CTNND2: variants seen among roughly 807,000 people sequenced by gnomAD.
CTNND2 encodes the protein catenin delta-2.
A neutral mutation model predicts 144.4 loss-of-function variants in CTNND2; 22 were observed. The observed-to-expected ratio is 0.15, with a 90% CI of 0.11 to 0.22. The LOEUF is 0.22. CTNND2 is among the 10% of genes least tolerant of loss of function. The pLI is 1.00. For missense variants in CTNND2, 1,353 were observed against 1,618.8 expected, an observed-to-expected ratio of 0.84 and a Z score of 2.82; for synonymous variants, 751 against 695.6, an observed-to-expected ratio of 1.08 and a Z score of -1.25.
chr5:11,379,506 C>A (rs1203435898), intron 7 of CTNND2, among the ~76,000 whole-genome samples: 1 of 152,032 alleles, frequency 6.6e-6, no homozygotes, highest in East Asian at 1.9e-4. Context: ...TCTGCCTCAT[C>A]AAGTTGCTGG....
At chr5:11,666,195 C>A (rs1481299335) in intron 2 of CTNND2, among the ~76,000 whole-genome samples, 1 of 152,058 alleles carries the variant, frequency 6.6e-6, no homozygotes, top group East Asian at 1.9e-4. Flanking sequence ...TTGTGCACTG[C>A]CAAAAAGCAC....
At chr5:11,777,502 C>A (rs1790321390) in intron 1 of CTNND2, among the ~76,000 whole-genome samples, 1 of 152,166 alleles carries the variant, frequency 6.6e-6, no homozygotes, top group African/African-American at 2.4e-5. Context: ...TGTTTCCAAT[C>A]CTGGATCGAG....
intron 1 of CTNND2, among the ~76,000 whole-genome samples, chr5:11,776,651 G>A (rs1398315075): frequency 6.6e-6 from 1 of 152,118 alleles, no homozygotes; most frequent in Non-Finnish European, 1.5e-5. Context: ...ACAAAGAGCT[G>A]ATAAGCGACT....
chr5:11,768,500 A>G (rs1789728913), intron 1 of CTNND2, among the ~76,000 whole-genome samples: 1 of 152,176 alleles, frequency 6.6e-6, no homozygotes, highest in Admixed American at 6.5e-5. Flanking sequence ...CCTGTTGGCC[A>G]GGCTGGCCTT....
intron 12 of CTNND2, among the ~76,000 whole-genome samples, chr5:11,129,313 A>AT (rs1561354120): frequency 0.018 from 1,306 of 73,688 alleles, 24 homozygotes; most frequent in Non-Finnish European, 0.023. Context: ...TATATATATA[A>AT]ATATATATAA....
At chr5:11,337,804 C>G (rs1375688698) in intron 9 of CTNND2, among the ~76,000 whole-genome samples, 1 of 151,992 alleles carries the variant, frequency 6.6e-6, no homozygotes, top group East Asian at 1.9e-4. Context: ...TTCTACTGAT[C>G]CAAGATACCC....
intron 2 of CTNND2, among the ~76,000 whole-genome samples, chr5:11,630,136 C>T (rs1297732296): frequency 6.6e-6 from 1 of 152,114 alleles, no homozygotes; most frequent in Non-Finnish European, 1.5e-5. Context: ...GCTTCTTAGT[C>T]CTGGCATCTG....
At chr5:11,123,674 A>G (rs1317046811) in intron 12 of CTNND2, among the ~76,000 whole-genome samples, 1 of 152,232 alleles carries the variant, frequency 6.6e-6, no homozygotes, top group Non-Finnish European at 1.5e-5. Context: ...TTAAAATACA[A>G]AGGCGCAGGC....
chr5:11,882,297 C>T (rs77824838), intron 1 of CTNND2, among the ~76,000 whole-genome samples: 1 of 151,894 alleles, frequency 6.6e-6, no homozygotes, highest in East Asian at 1.9e-4. Context: ...AATCTTTGCC[C>T]AGACCAAAAT....
intron 2 of CTNND2, among the ~76,000 whole-genome samples, chr5:11,663,827 T>C (rs963839788): frequency 3.3e-4 from 50 of 152,158 alleles, no homozygotes; most frequent in African/African-American, 1.2e-3. Flanking sequence ...AAGATATCCT[T>C]TATCATTGTA....
intron 12 of CTNND2, among the ~76,000 whole-genome samples, chr5:11,123,056 A>G (rs1428264543): frequency 6.6e-6 from 1 of 152,096 alleles, no homozygotes; most frequent in Non-Finnish European, 1.5e-5. Flanking sequence ...CCTTGAAGCC[A>G]TCAACTCTGA....
At chr5:11,726,296 AAAT>A (rs1787014621) in intron 2 of CTNND2, among the ~76,000 whole-genome samples, 1 of 152,198 alleles carries the variant, frequency 6.6e-6, no homozygotes, top group South Asian at 2.1e-4. Flanking sequence ...AACATGTTTG[AAAT>A]AATATTAAAT....
intron 1 of CTNND2, among the ~76,000 whole-genome samples, chr5:11,879,102 T>G (rs904039606): frequency 4.6e-5 from 7 of 151,814 alleles, no homozygotes; most frequent in Non-Finnish European, 8.8e-5. Flanking sequence ...AGATGCCAAG[T>G]GGCACCGCAG....
intron 2 of CTNND2, among the ~76,000 whole-genome samples, chr5:11,625,223 C>G (rs977008098): frequency 5.9e-5 from 9 of 152,238 alleles, no homozygotes; most frequent in Admixed American, 2.0e-4. Flanking sequence ...ATTCACTCCA[C>G]TAACTCTCTT....
At chr5:11,717,226 C>T (rs780151268) in intron 2 of CTNND2, among the ~76,000 whole-genome samples, 1 of 151,930 alleles carries the variant, frequency 6.6e-6, no homozygotes, top group Non-Finnish European at 1.5e-5. Flanking sequence ...TTTGAAAAGA[C>T]AGAAAATGAG....
chr5:11,641,612 AC>A (rs1782011664), intron 2 of CTNND2, among the ~76,000 whole-genome samples: 1 of 151,116 alleles, frequency 6.6e-6, no homozygotes. Flanking sequence ...ATATACATAT[AC>A]GTGTGTGTAT....
At chr5:11,184,261 C>T (rs2149805057) in intron 11 of CTNND2, among the ~76,000 whole-genome samples, 1 of 152,212 alleles carries the variant, frequency 6.6e-6, no homozygotes, top group Middle Eastern at 3.4e-3. Flanking sequence ...AGCCTTTTTT[C>T]TACTGATACC....
At chr5:11,085,115 T>A (rs572199317) in intron 15 of CTNND2, among the ~76,000 whole-genome samples, 3 of 152,220 alleles carry the variant, frequency 2.0e-5, no homozygotes, top group East Asian at 3.9e-4. Context: ...GAAAAGGTGA[T>A]TTGGTATTTG....
chr5:10,990,679 C>A (rs1738578618), intron 19 of CTNND2, among the ~76,000 whole-genome samples: 1 of 152,216 alleles, frequency 6.6e-6, no homozygotes, highest in South Asian at 2.1e-4. Context: ...GTGTAATTAT[C>A]TCCTGAGACC....
Sources: gnomAD v4.1 joint callset for allele counts (sites outside exome capture counted in the v4.1 genomes callset) on GRCh38, gnomAD v4.1.1 for gene constraint, MANE v1.5 for transcripts, NCBI Gene and HGNC (gene_info 2026-07-23, HGNC 2026-07-21) for gene names.